SDK1: variants seen among roughly 807,000 people sequenced by gnomAD.
SDK1 encodes the protein sidekick cell adhesion molecule 1, also known as protein sidekick-1.
A neutral mutation model predicts 245.5 loss-of-function variants in SDK1; 157 were observed. That is an observed-to-expected ratio of 0.64 (90% CI 0.56 to 0.73). The LOEUF (loss-of-function observed/expected upper bound fraction) is 0.73, where lower values mean the gene tolerates loss of function less well. Ranked by LOEUF, SDK1 falls within the 30% of genes least tolerant of loss-of-function variation. SDK1 has a pLI of 0.00. For synonymous variants in SDK1, 1,647 were observed against 1,278.5 expected (o/e 1.29, Z -6.15); for missense variants, 3,583 against 3,002.3 (o/e 1.19, Z -4.52).
chr7:4,110,571 G>C (rs62438179), intron 22 of SDK1, 92 bp from the exon 23 acceptor site: 98,541 of 895,752 alleles, frequency 0.11, 6,227 homozygotes, highest in South Asian at 0.15. Context: ...GCCCTGCCCA[G>C]CTCACCAGGT....
At chr7:3,702,374 A>G (rs1784765071) in intron 4 of SDK1, among the ~76,000 whole-genome samples, 2 of 152,210 alleles carry the variant, frequency 1.3e-5, no homozygotes, top group Admixed American at 6.5e-5. Context: ...TTAAAAAGCA[A>G]CTGTGTCTTT....
In SDK1 at chr7:3,962,808, T is replaced by C. The variant is rs755551084; in HGVS notation, c.1386T>C (p.Asn462=). ...DSGIFQCFAS[N]EGGEIQTHTY... ...GAATCTTCCAGTGCTTCGCCAGCAA[T>C]GAAGGAGGGGAGATCCAGACCCACA... Residue 462 remains asparagine, a synonymous_variant, in exon 9 of 45, where the codon AAT becomes AAC. Transcript: ENST00000404826. 3.1e-6 allele frequency: 5 copies of C among 1,613,398 alleles called. No homozygotes were observed. The highest frequency in any genetic ancestry group is 1.6e-4 in the Middle Eastern group (1 of 6,080).
intron 1 of SDK1, among the ~76,000 whole-genome samples, chr7:3,471,573 C>A (rs1781183295): frequency 6.6e-6 from 1 of 152,100 alleles, no homozygotes; most frequent in South Asian, 2.1e-4. Context: ...AGACGCAATT[C>A]AATTTTGCGT....
intron 1 of SDK1, among the ~76,000 whole-genome samples, chr7:3,613,212 G>T (rs970642945): frequency 6.6e-6 from 1 of 152,124 alleles, no homozygotes; most frequent in South Asian, 2.1e-4. Context: ...TGATGTTAGG[G>T]AAGCCGGGGG....
rs538060404 is a variant in SDK1 at position 4,053,267 on chromosome 7, C to A, written c.2911+1437C>A. ...TTGGACTCCCAGCCTCACCGCACTC[C>A]CAGCAGGTGACATTTGCAGAGGCCA... On this transcript the variant is annotated intron_variant, in intron 19 of 44. Transcript: ENST00000404826. 9.9e-5 allele frequency among the ~76,000 whole-genome samples: 15 copies of A among 152,136 alleles called. No homozygotes were observed. In the South Asian group the frequency reaches 2.7e-3, roughly 27 times the overall value.
chr7:3,378,155 C>T (rs1198657326), intron 1 of SDK1, among the ~76,000 whole-genome samples: 1 of 152,284 alleles, frequency 6.6e-6, no homozygotes, highest in East Asian at 1.9e-4. Context: ...TCTCTTGGAT[C>T]CCTTGAGAAC....
chr7:3,527,328 G>A (rs1315588113), intron 1 of SDK1, among the ~76,000 whole-genome samples: 2 of 152,188 alleles, frequency 1.3e-5, no homozygotes, highest in Admixed American at 6.5e-5. Context: ...AGAGTGTTGA[G>A]TACTGTGAAG....
intron 1 of SDK1, among the ~76,000 whole-genome samples, chr7:3,506,723 A>G (rs2686852): frequency 0.74 from 112,864 of 152,070 alleles, 43,002 homozygotes; most frequent in African/African-American, 0.93. Context: ...CTTCTCCTAT[A>G]TTTATATGCA....
intron 17 of SDK1, among the ~76,000 whole-genome samples, chr7:4,024,687 G>A (rs2128155580): frequency 6.6e-6 from 1 of 152,328 alleles, no homozygotes; most frequent in Admixed American, 6.5e-5. Context: ...CAGAGGCAAA[G>A]ATGGAATCTC....
In SDK1 at chr7:3,562,560, G is replaced by A. The variant is rs949084432; in HGVS notation, c.299-56520G>A. On this transcript the variant is annotated intron_variant, in intron 1 of 44. Coordinates refer to ENST00000404826, the MANE Select transcript of SDK1 (RefSeq NM_152744.4). ...GCTTCTGTATAGTGGCTAAGTAGAC[G>A]GGTAGCTGCAGCCTGTGGACGAGGC... Among the ~76,000 whole-genome samples the A allele has an allele frequency of 3.9e-4, 60 of 152,306 alleles. 1 individual carries two copies. Among genetic ancestry groups the A allele is most frequent in the Admixed American group, 3.7e-3 (56 of 15,298 alleles).
intron 4 of SDK1, among the ~76,000 whole-genome samples, chr7:3,644,450 A>G (rs1296250309): frequency 6.6e-6 from 1 of 151,890 alleles, no homozygotes; most frequent in Non-Finnish European, 1.5e-5. Context: ...TTTCATTCTT[A>G]GTAGACTGTT....
At chr7:3,629,184 C>T (rs2128647465) in intron 2 of SDK1, among the ~76,000 whole-genome samples, 1 of 151,432 alleles carries the variant, frequency 6.6e-6, no homozygotes, top group East Asian at 1.9e-4. Context: ...GCCTGTAGTC[C>T]CATCTACTCG....
At chr7:3,584,860 A>C (rs1780633065) in intron 1 of SDK1, among the ~76,000 whole-genome samples, 1 of 151,782 alleles carries the variant, frequency 6.6e-6, no homozygotes, top group South Asian at 2.1e-4. Flanking sequence ...AGTAGCTGGG[A>C]CTACAGGTGC....
intron 44 of SDK1, among the ~76,000 whole-genome samples, chr7:4,246,581 A>G (rs1583168039): frequency 6.6e-6 from 1 of 152,132 alleles, no homozygotes; most frequent in Non-Finnish European, 1.5e-5. Context: ...TTCCCCCTAC[A>G]CCCTGCCAGC....
Position 3,969,430 on chromosome 7 carries a change from G to A in SDK1, c.1714+6G>A. ...GGCCACGCTCACTGTGTGGAGTAAG[G>A]AGCAGCCCTCGCACGTCGGCCTTCT... On this transcript the variant is annotated splice_donor_region_variant and intron_variant, in intron 11 of 44. Transcript: ENST00000404826. The A allele has an allele frequency of 6.4e-7, 1 of 1,557,210 alleles. No individual in the cohort carries two copies. The highest frequency in any genetic ancestry group is 8.7e-7 in the Non-Finnish European group (1 of 1,147,406).
At chr7:3,521,661 G>A (rs971254692) in intron 1 of SDK1, among the ~76,000 whole-genome samples, 2 of 152,176 alleles carry the variant, frequency 1.3e-5, no homozygotes, top group Admixed American at 6.5e-5. Context: ...CTGTGGATTC[G>A]ATAGTCTAAT....
chr7:3,503,286 A>T (rs1746321575), intron 1 of SDK1, among the ~76,000 whole-genome samples: 1 of 152,226 alleles, frequency 6.6e-6, no homozygotes, highest in South Asian at 2.1e-4. Flanking sequence ...GAATTGGATT[A>T]TTTGGCTTAT....
chr7:4,000,845 C>T (rs1448652445), intron 14 of SDK1, among the ~76,000 whole-genome samples: 1 of 152,172 alleles, frequency 6.6e-6, no homozygotes, highest in Non-Finnish European at 1.5e-5. Flanking sequence ...TTAAGCCTCC[C>T]ATGCATAGCA....
chr7:3,556,658 T>C (rs1406617378), intron 1 of SDK1, among the ~76,000 whole-genome samples: 1 of 151,980 alleles, frequency 6.6e-6, no homozygotes, highest in African/African-American at 2.4e-5. Flanking sequence ...TCGTCTCTAC[T>C]AAAAATACAA....
Sources: allele counts gnomAD v4.1 joint callset (sites outside exome capture counted in the v4.1 genomes callset), GRCh38; gene constraint gnomAD v4.1.1; transcripts MANE v1.5; gene names NCBI Gene and HGNC (gene_info 2026-07-23, HGNC 2026-07-21).